CCDC148: variants seen among roughly 807,000 people sequenced by gnomAD.
CCDC148 encodes the protein coiled-coil domain containing 148.
A neutral mutation model predicts 85.7 loss-of-function variants in CCDC148; 89 were observed. That is an observed-to-expected ratio of 1.04 (90% CI 0.87 to 1.24). CCDC148 has a LOEUF of 1.24. Among genes scored for constraint, CCDC148 ranks in the 50% most tolerant of loss-of-function variants. The pLI, the probability that CCDC148 is intolerant of heterozygous loss-of-function variation, is 0.00. For missense variants in CCDC148, 692 were observed against 671.7 expected (o/e 1.03, Z -0.33); for synonymous variants, 230 against 213.9 (o/e 1.08, Z -0.66).
chr2:158,382,859 T>C (rs1345207319), intron 1 of CCDC148, among the ~76,000 whole-genome samples: 1 of 151,686 alleles, frequency 6.6e-6, no homozygotes, highest in Non-Finnish European at 1.5e-5. Flanking sequence ...AGACAGAGGT[T>C]GCAGTGAGCC....
chr2:158,234,162 C>T (rs1406509042), intron 10 of CCDC148, among the ~76,000 whole-genome samples: 1 of 151,274 alleles, frequency 6.6e-6, no homozygotes. Context: ...GGCAACAGAG[C>T]GAGACTCCAT....
At chr2:158,446,759 C>T (rs1001534221) in intron 1 of CCDC148, among the ~76,000 whole-genome samples, 1 of 152,112 alleles carries the variant, frequency 6.6e-6, no homozygotes, top group Non-Finnish European at 1.5e-5. Context: ...TCAGTCATAA[C>T]CACTTGTATT....
intron 7 of CCDC148, among the ~76,000 whole-genome samples, chr2:158,324,019 C>T (rs976967946): frequency 1.4e-5 from 2 of 143,690 alleles, no homozygotes; most frequent in South Asian, 2.2e-4. Context: ...CAGGCTCAAG[C>T]GATTCTTCTG....
chr2:158,449,024 C>T (rs1688281329), intron 1 of CCDC148, among the ~76,000 whole-genome samples: 1 of 152,086 alleles, frequency 6.6e-6, no homozygotes, highest in Non-Finnish European at 1.5e-5. Flanking sequence ...GACAGCATTT[C>T]ACCATGTTGG....
intron 1 of CCDC148, among the ~76,000 whole-genome samples, chr2:158,389,699 C>T (rs1216732261): frequency 1.3e-5 from 2 of 152,188 alleles, no homozygotes; most frequent in African/African-American, 4.8e-5. Flanking sequence ...TCTGACTTTA[C>T]TTGTAATTAT....
intron 3 of CCDC148, among the ~76,000 whole-genome samples, chr2:158,341,304 TAC>T (rs1464804415): frequency 1.8e-5 from 2 of 111,460 alleles, no homozygotes; most frequent in African/African-American, 7.4e-5. Context: ...TATGTGTACA[TAC>T]ATATTTTTTT....
intron 9 of CCDC148, among the ~76,000 whole-genome samples, chr2:158,300,833 T>C (rs1691406598): frequency 6.6e-6 from 1 of 152,144 alleles, no homozygotes; most frequent in South Asian, 2.1e-4. Flanking sequence ...ATGGTATCAT[T>C]AGGGAATGGC....
intron 1 of CCDC148, among the ~76,000 whole-genome samples, chr2:158,448,543 C>T (rs955334714): frequency 7.2e-5 from 11 of 151,938 alleles, no homozygotes; most frequent in African/African-American, 2.4e-4. Context: ...AGGGTTTTGC[C>T]ATGTTACCCA....
Position 158,363,969 on chromosome 2 carries a change from C to A in CCDC148, c.26-5399G>T, listed in dbSNP as rs957076261. ...CTGATAAGCAACTTCAGCAAAGTCTCAGGATACAAAATCAATGTGCAAAAA... is the reference window on the plus strand; with the variant it reads ...CTGATAAGCAACTTCAGCAAAGTCTAAGGATACAAAATCAATGTGCAAAAA... On this transcript the variant is annotated intron_variant, in intron 1 of 13. Coordinates refer to ENST00000283233, the MANE Select transcript of CCDC148 (RefSeq NM_138803.4). Among the ~76,000 whole-genome samples, 3 of 152,192 alleles carry A rather than the reference C, an allele frequency of 2.0e-5. No individual in the cohort carries two copies. The East Asian group carries it at 5.8e-4, about 29-fold the overall frequency.
intron 9 of CCDC148, among the ~76,000 whole-genome samples, chr2:158,253,111 G>A (rs982924197): frequency 2.0e-5 from 3 of 151,568 alleles, no homozygotes; most frequent in African/African-American, 4.8e-5. Context: ...TTTCTTAAGC[G>A]CGGATGAATT....
At chr2:158,440,348 A>G (rs1687878405) in intron 1 of CCDC148, among the ~76,000 whole-genome samples, 1 of 152,156 alleles carries the variant, frequency 6.6e-6, no homozygotes, top group Admixed American at 6.5e-5. Context: ...CAAGCGAAAC[A>G]ATGTACACCT....
intron 13 of CCDC148, among the ~76,000 whole-genome samples, chr2:158,174,376 A>T (rs1235916693): frequency 6.6e-6 from 1 of 152,012 alleles, no homozygotes; most frequent in Non-Finnish European, 1.5e-5. Flanking sequence ...TTTCTCAGCC[A>T]GAGCCATTCA....
rs1683821207 is a variant in CCDC148 at position 158,359,323 on chromosome 2, C to T, written c.26-753G>A. On this transcript the variant is annotated intron_variant, in intron 1 of 13. Coordinates refer to ENST00000283233, the MANE Select transcript of CCDC148 (RefSeq NM_138803.4). ...ATTAAGTAAATCATGGATCACATGACTATAGGAAGCTCTCAAATGATTTCA... is the reference window on the plus strand; with the variant it reads ...ATTAAGTAAATCATGGATCACATGATTATAGGAAGCTCTCAAATGATTTCA... Among the ~76,000 whole-genome samples the T allele has an allele frequency of 2.6e-5, 4 of 152,208 alleles. No individual in the cohort carries two copies. The South Asian group carries it at 8.3e-4, about 32-fold the overall frequency.
At chr2:158,243,307 C>T (rs7559063) in intron 10 of CCDC148, among the ~76,000 whole-genome samples, 7,322 of 152,104 alleles carry the variant, frequency 0.048, 602 homozygotes, top group African/African-American at 0.17. Flanking sequence ...TAGGCACTTG[C>T]ATTTGAGTCG....
chr2:158,410,200 T>C (rs1686200439), intron 1 of CCDC148, among the ~76,000 whole-genome samples: 1 of 152,212 alleles, frequency 6.6e-6, no homozygotes, highest in South Asian at 2.1e-4. Flanking sequence ...ACTATTTGCA[T>C]GGAATATTTT....
chr2:158,218,586 A>T (rs1192999087), intron 11 of CCDC148, among the ~76,000 whole-genome samples: 2 of 152,212 alleles, frequency 1.3e-5, no homozygotes, highest in African/African-American at 4.8e-5. Flanking sequence ...GGAAGCCTGT[A>T]TCCTAATGCT....
intron 1 of CCDC148, among the ~76,000 whole-genome samples, chr2:158,411,798 G>T (rs1046469460): frequency 4.6e-5 from 7 of 152,132 alleles, no homozygotes; most frequent in Non-Finnish European, 4.4e-5. Context: ...ATTTGAAGGA[G>T]TTATTTCTTC....
intron 1 of CCDC148, among the ~76,000 whole-genome samples, chr2:158,422,053 C>T (rs1426256171): frequency 6.6e-6 from 1 of 152,128 alleles, no homozygotes; most frequent in Admixed American, 6.6e-5. Context: ...AAGTTGAATC[C>T]TTGAATAGAC....
chr2:158,435,630 T>G (rs1459358748), intron 1 of CCDC148, among the ~76,000 whole-genome samples: 1 of 152,118 alleles, frequency 6.6e-6, no homozygotes, highest in Non-Finnish European at 1.5e-5. Flanking sequence ...CAAACAATAT[T>G]AACTTTAAAT....
Sources: gnomAD v4.1 joint callset for allele counts (sites outside exome capture counted in the v4.1 genomes callset) on GRCh38, gnomAD v4.1.1 for gene constraint, MANE v1.5 for transcripts, NCBI Gene and HGNC (gene_info 2026-07-23, HGNC 2026-07-21) for gene names.